Variants in KATNB1 observed in about 807,000 individuals in gnomAD.
KATNB1 encodes the protein katanin regulatory subunit B1, also known as katanin p80 WD40 repeat-containing subunit B1.
A neutral mutation model predicts 82.3 loss-of-function variants in KATNB1; 38 were observed. The observed-to-expected ratio is 0.46, with a 90% CI of 0.36 to 0.61. KATNB1 has a LOEUF of 0.61. Ranked by LOEUF, KATNB1 falls within the 20% of genes least tolerant of loss-of-function variation. KATNB1 has a pLI of 0.00. For synonymous variants in KATNB1, 361 were observed against 368.7 expected, an observed-to-expected ratio of 0.98 and a Z score of 0.24; for missense variants, 749 against 915.7, an observed-to-expected ratio of 0.82 and a Z score of 2.35.
intron 4 of KATNB1, among the ~76,000 whole-genome samples, chr16:57,750,377 A>G (rs2049216796): frequency 1.3e-5 from 2 of 152,166 alleles, no homozygotes; most frequent in Non-Finnish European, 2.9e-5. Flanking sequence ...CACCTGTAAT[A>G]CCAGCGCTTT....
chr16:57,740,092 C>T lies in KATNB1; in HGVS notation c.41-1595C>T, dbSNP rs146975108. 2.4e-4 allele frequency among the ~76,000 whole-genome samples: 36 copies of T among 152,300 alleles called. No individual in the cohort carries two copies. The East Asian group carries it at 3.5e-3, about 15-fold the overall frequency. On this transcript the variant is annotated intron_variant, in intron 2 of 19. Transcript: ENST00000379661. The stretch of plus-strand genomic sequence containing the variant: ...GTCAGGTGGAAACCTTGAACAGACA[C>T]GTCTGTGGCTGGAATTCCTCAGGTT...
At position 57,751,653 on chromosome 16, in the gene KATNB1, G is replaced by C; in HGVS notation, c.445G>C (p.Ala149Pro). 6.2e-7 allele frequency: 1 copy of C among 1,611,258 alleles called. No homozygotes were observed. The highest frequency in any genetic ancestry group is 8.5e-7 in the Non-Finnish European group (1 of 1,180,010). ...TGTCCTCCCTCAGGGGCACAGCCAG[G>C]CCGTGCGGTGTCTCCGGTTCAGCCC... is the stretch of plus-strand genomic sequence containing the variant. The part of the protein sequence containing the change: ...CVFRYRGHSQ[A>P]VRCLRFSPDG... The change falls in exon 7 of 20, where the codon GCC becomes CCC. Residue 149 changes from alanine (A) to proline (P), a missense_variant. Physicochemically the swap from Ala to Pro is conservative, Grantham distance 27. Around this residue, in one of 3 missense-constraint regions of KATNB1, gnomAD observed 247 missense variants for 349.4 expected, o/e 0.71. Coordinates refer to ENST00000379661, the MANE Select transcript of KATNB1 (RefSeq NM_005886.3). This position sits in a 1 kb window ranked among gnomAD's most constrained non-coding sequence, Gnocchi z 6.3.
At chr16:57,756,311 T>C (rs1555586361) in intron 18 of KATNB1, 45 bp from the exon 19 acceptor site, 1 of 1,525,798 alleles carries the variant, frequency 6.6e-7, no homozygotes, top group Non-Finnish European at 9.1e-7. Context: ...TCTTTCTGTC[T>C]GTGGCCCTTG....
At chr16:57,736,881 G>A in intron 1 of KATNB1, 97 bp from the exon 2 acceptor site, 2 of 507,530 alleles carry the variant, frequency 3.9e-6, no homozygotes, top group South Asian at 3.3e-5. Flanking sequence ...TGGCTTTGGT[G>A]GGTGTCAGTC....
At chr16:57,744,597 G>C (rs548290149) in intron 4 of KATNB1, 86 bp downstream of exon 4, 2 of 1,140,380 alleles carry the variant, frequency 1.8e-6, no homozygotes, top group Admixed American at 3.4e-5. Context: ...CAGGAAGCCT[G>C]CCTGGACTAC....
In KATNB1 at chr16:57,755,017, A is replaced by G; in HGVS notation, c.1296+20A>G. The G allele has an allele frequency of 6.2e-7, 1 of 1,613,892 alleles. No individual in the cohort carries two copies. The highest frequency in any genetic ancestry group is 8.5e-7 in the Non-Finnish European group (1 of 1,180,012). On this transcript the variant is annotated intron_variant, in intron 14 of 19. Transcript: ENST00000379661. ...CCAAATGTATGTCCATGGAGGGAGC[A>G]TGGTGTGGGGCCTAGAGAAGGTCCT...
chr16:57,755,002 G>A lies in KATNB1; in HGVS notation c.1296+5G>A, dbSNP rs2049263769. 3.7e-6 allele frequency: 6 copies of A among 1,614,000 alleles called. No homozygotes were observed. Among genetic ancestry groups the A allele is most frequent in the Non-Finnish European group, 5.1e-6 (6 of 1,180,038 alleles). ...GTGCAGTTCCCGGTGCCAAATGTAT[G>A]TCCATGGAGGGAGCATGGTGTGGGG... On this transcript the variant is annotated splice_donor_5th_base_variant and intron_variant, in intron 14 of 19. Transcript: ENST00000379661.
In KATNB1 at chr16:57,756,368, G is replaced by A. The variant is rs782609580; in HGVS notation, c.1731G>A (p.Thr577=). ...TCTCCCCCTAAAGCTACGTCCAGACGGGCTGCACCTCCCTGAAGCTGATCC... is the reference window on the plus strand; with the variant it reads ...TCTCCCCCTAAAGCTACGTCCAGACAGGCTGCACCTCCCTGAAGCTGATCC... ...LQSKYESYVQ[T]GCTSLKLILQ... is the part of the protein sequence containing the mutation. The change falls in exon 19 of 20, where the codon ACG becomes ACA. Residue 577 remains threonine, a synonymous_variant. Transcript: ENST00000379661. The A allele has an allele frequency of 3.1e-5, 50 of 1,613,900 alleles. No homozygotes were observed. Among genetic ancestry groups the A allele is most frequent in the Middle Eastern group, 1.6e-4 (1 of 6,062 alleles).
chr16:57,756,484 G>GC lies in KATNB1; in HGVS notation c.1835+13dup. On this transcript the variant is annotated intron_variant, in intron 19 of 19. Coordinates refer to ENST00000379661, the MANE Select transcript of KATNB1 (RefSeq NM_005886.3). ...AGCAGGGAGGAGAGGTGAGGGCAGC[G>GC]CATGTGTTGGGGGCAGGGGTGCCAC... 2 of 1,604,692 alleles carry GC rather than the reference G, an allele frequency of 1.2e-6. No individual in the cohort carries two copies. The highest frequency in any genetic ancestry group is 1.7e-6 in the Non-Finnish European group (2 of 1,173,428).
chr16:57,750,204 A>C (rs2049214920), intron 4 of KATNB1, among the ~76,000 whole-genome samples: 1 of 152,134 alleles, frequency 6.6e-6, no homozygotes, highest in African/African-American at 2.4e-5. Flanking sequence ...CTCCACACCC[A>C]TGGGGCCTGA....
Position 57,756,023 on chromosome 16 carries a change from G to T in KATNB1, c.1675G>T (p.Val559Phe). The change falls in exon 18 of 20, where the codon GTC becomes TTC. Residue 559 changes from valine to phenylalanine, a missense_variant. Val to Phe is a conservative substitution (Grantham distance 50). Coordinates refer to ENST00000379661, the MANE Select transcript of KATNB1 (RefSeq NM_005886.3). ...GTGGAAGCTGGACCTGTGCACCACC[G>T]TCCTGCCACAGATTGAGAAGCTTCT... ...SLWKLDLCTT[V>F]LPQIEKLLQS... is the part of the protein sequence containing the mutation. The T allele has an allele frequency of 1.2e-6, 2 of 1,611,950 alleles. No homozygotes were observed. Among genetic ancestry groups the T allele is most frequent in the Non-Finnish European group, 1.7e-6 (2 of 1,180,010 alleles).
intron 8 of KATNB1, 189 bp from the exon 9 acceptor site, chr16:57,752,341 C>A: frequency 1.5e-6 from 1 of 652,324 alleles, no homozygotes; most frequent in Non-Finnish European, 2.7e-6. Context: ...GCTGTTGGGG[C>A]CAACCCTGGG....
In KATNB1 at chr16:57,751,754, G is replaced by C; in HGVS notation, c.516+30G>C. On this transcript the variant is annotated intron_variant, in intron 7 of 19. Coordinates refer to ENST00000379661, the MANE Select transcript of KATNB1 (RefSeq NM_005886.3). This position sits in a 1 kb window ranked among gnomAD's most constrained non-coding sequence, Gnocchi z 6.3. Reference sequence around the variant, plus strand: ...CTCCCGGCCTGACCTGGGCCCAGGGGCTGGGGGCTGGGGTCTGCTGATCAC... The same window carrying C: ...CTCCCGGCCTGACCTGGGCCCAGGGCCTGGGGGCTGGGGTCTGCTGATCAC... 1 of 1,594,074 alleles carries C rather than the reference G, an allele frequency of 6.3e-7. No individual in the cohort carries two copies. The highest frequency in any genetic ancestry group is 8.6e-7 in the Non-Finnish European group (1 of 1,169,478).
intron 4 of KATNB1, among the ~76,000 whole-genome samples, chr16:57,745,744 C>G (rs1320390560): frequency 6.6e-6 from 1 of 151,938 alleles, no homozygotes; most frequent in Non-Finnish European, 1.5e-5. Context: ...TCATTTACCA[C>G]TGACTATTTC....
At position 57,752,126 on chromosome 16, in the gene KATNB1, C is replaced by G. The variant is rs537159408; in HGVS notation, c.632+71C>G. On this transcript the variant is annotated intron_variant, in intron 8 of 19. Transcript: ENST00000379661. Reference sequence around the variant, plus strand: ...ACCGCCTTGTCCTCTGTGCGTGTCTCTACTGCCGGTCTGTCGCTGTCTGGG... The same window carrying G: ...ACCGCCTTGTCCTCTGTGCGTGTCTGTACTGCCGGTCTGTCGCTGTCTGGG... 6 of 966,800 alleles carry G rather than the reference C, an allele frequency of 6.2e-6. No individual in the cohort carries two copies. In the Admixed American group the frequency reaches 1.1e-4, roughly 18 times the overall value. The allele number at this position is 966,800 out of a possible 1,614,324, so 59.9% of individuals were successfully genotyped here.
chr16:57,754,873 G>T (rs2049262607), intron 13 of KATNB1, 57 bp from the exon 14 acceptor site: 1 of 1,578,094 alleles, frequency 6.3e-7, no homozygotes, highest in Non-Finnish European at 8.7e-7. Context: ...CCTGAGCCCT[G>T]CCCTTCTTGC....
At chr16:57,737,658 A>T (rs2965778) in intron 2 of KATNB1, among the ~76,000 whole-genome samples, 6,886 of 152,204 alleles carry the variant, frequency 0.045, 445 homozygotes, top group East Asian at 0.25. Context: ...ACATCTCACA[A>T]GTCAAACTTC....
At chr16:57,746,675 G>A (rs1382697145) in intron 4 of KATNB1, among the ~76,000 whole-genome samples, 1 of 151,228 alleles carries the variant, frequency 6.6e-6, no homozygotes, top group African/African-American at 2.4e-5. Context: ...GATTTTTCAA[G>A]AGAGGCTGGA....
intron 4 of KATNB1, among the ~76,000 whole-genome samples, chr16:57,747,918 C>A (rs2049195388): frequency 6.6e-6 from 1 of 152,226 alleles, no homozygotes; most frequent in Non-Finnish European, 1.5e-5. Flanking sequence ...GATTCCTGGG[C>A]CCTGGACGGC....
Sources: allele counts gnomAD v4.1 joint callset (sites outside exome capture counted in the v4.1 genomes callset), GRCh38; gene constraint gnomAD v4.1.1; regional missense constraint gnomAD v4.1.1; non-coding constraint Gnocchi (gnomAD v3.1); transcripts MANE v1.5; gene names NCBI Gene and HGNC (gene_info 2026-07-23, HGNC 2026-07-21).